Variants in NFASC observed in about 807,000 individuals in gnomAD.
NFASC encodes neurofascin homolog.
A neutral mutation model predicts 147.5 loss-of-function variants in NFASC; 43 were observed. The ratio of observed to expected loss-of-function variants is 0.29; its 90% CI spans 0.23 to 0.38. The LOEUF is 0.38. Among genes scored for constraint, NFASC ranks in the 10% least tolerant of loss-of-function variants. The pLI, the probability that NFASC is intolerant of heterozygous loss-of-function variation, is 1.00. For missense variants in NFASC, 1,320 were observed against 1,689.0 expected, an observed-to-expected ratio of 0.78 and a Z score of 3.83; for synonymous variants, 622 against 665.5, an observed-to-expected ratio of 0.93 and a Z score of 1.01.
chr1:205,002,877 G>A (rs912412411), intron 27 of NFASC, 129 bp downstream of exon 27: 4 of 674,314 alleles, frequency 5.9e-6, no homozygotes, highest in South Asian at 4.3e-5. Context: ...CTTGCATGGC[G>A]TGTCTCAGCT....
intron 1 of NFASC, among the ~76,000 whole-genome samples, chr1:204,902,928 G>A (rs1206082384): frequency 2.0e-5 from 3 of 152,164 alleles, no homozygotes; most frequent in Admixed American, 1.3e-4. Context: ...ATGTATTTCC[G>A]CAGCCATGTC....
At chr1:204,956,157 C>T (rs1573699753) in intron 7 of NFASC, among the ~76,000 whole-genome samples, 1 of 152,322 alleles carries the variant, frequency 6.6e-6, no homozygotes, top group East Asian at 1.9e-4. Context: ...TCCCCAGCCC[C>T]GGCCACCATC....
intron 1 of NFASC, among the ~76,000 whole-genome samples, chr1:204,897,011 C>G (rs1004192194): frequency 6.6e-6 from 1 of 152,174 alleles, no homozygotes; most frequent in Non-Finnish European, 1.5e-5. Context: ...CTAGCAGCAT[C>G]AGACTACCTG....
chr1:204,987,613 G>A lies in NFASC; in HGVS notation c.2593+73G>A, dbSNP rs1400994144. 6.3e-7 allele frequency: 1 copy of A among 1,577,156 alleles called. No individual in the cohort carries two copies. The highest frequency in any genetic ancestry group is 1.3e-5 in the African/African-American group (1 of 74,176). On this transcript the variant is annotated intron_variant, in intron 22 of 29. Coordinates refer to ENST00000339876, the MANE Select transcript of NFASC (RefSeq NM_001005388.3). This position sits in a 1 kb window ranked among gnomAD's most constrained non-coding sequence, Gnocchi z 4.4. ...CCCCATTCTCACCACTTTTCCTAAG[G>A]ACTCAAGGTAGAAAGCCTGTGGGTG...
At chr1:204,870,660 G>A (rs1039957064) in intron 1 of NFASC, 12 of 1,063,450 alleles carry the variant, frequency 1.1e-5, no homozygotes, top group Non-Finnish European at 1.4e-5. Context: ...GCATGAGGGA[G>A]ACCCAGCGGT....
chr1:205,011,241 G>C (rs1471264343), intron 28 of NFASC, among the ~76,000 whole-genome samples: 1 of 140,194 alleles, frequency 7.1e-6, no homozygotes, highest in Non-Finnish European at 1.5e-5. Context: ...GGAAATAGAA[G>C]GGAGAGGAGA....
chr1:204,977,533 T>G, intron 16 of NFASC, 148 bp from the exon 17 acceptor site: 1 of 595,556 alleles, frequency 1.7e-6, no homozygotes, highest in Non-Finnish European at 2.9e-6. Context: ...GGGTAGGGGA[T>G]TCCCCATGGA....
At chr1:204,859,543 T>G (rs1250531273) in intron 1 of NFASC, among the ~76,000 whole-genome samples, 1 of 152,248 alleles carries the variant, frequency 6.6e-6, no homozygotes, top group African/African-American at 2.4e-5. Flanking sequence ...TTATCTGTGC[T>G]ATATTGTGGA....
At chr1:204,972,697 A>G (rs532771362) in intron 11 of NFASC, among the ~76,000 whole-genome samples, 1 of 152,306 alleles carries the variant, frequency 6.6e-6, no homozygotes, top group Non-Finnish European at 1.5e-5. Context: ...GAATGTTTGG[A>G]GCATGCTCTC....
intron 1 of NFASC, among the ~76,000 whole-genome samples, chr1:204,848,121 G>A (rs1572002063): frequency 6.6e-6 from 1 of 152,194 alleles, no homozygotes; most frequent in African/African-American, 2.4e-5. Flanking sequence ...TGGAGAACTC[G>A]TCCTTTCCCT....
At chr1:204,943,821 CCTGCAGG>C (rs2093532446) in intron 2 of NFASC, among the ~76,000 whole-genome samples, 1 of 152,178 alleles carries the variant, frequency 6.6e-6, no homozygotes, top group South Asian at 2.1e-4. Flanking sequence ...GGTTGCTGGG[CCTGCAGG>C]CCAATAGGCC....
rs1056396676 is a variant in NFASC, at chr1:204,981,932, C to T, written c.2382C>T (p.Tyr794=). 9 of 1,608,730 alleles carry T rather than the reference C, an allele frequency of 5.6e-6. No individual in the cohort carries two copies. In the East Asian group the frequency reaches 6.7e-5, roughly 12 times the overall value. ...ACGTGGTGGGGCAGACCCCAGTCTA[C>T]GTGCCCTATGAGATCCGAGTCCAGG... ...SRYVVGQTPV[Y]VPYEIRVQAE... is the part of the protein sequence containing the mutation. The change falls in exon 21 of 30, where the codon TAC becomes TAT. Residue 794 remains tyrosine, a synonymous_variant. Coordinates refer to ENST00000339876, the MANE Select transcript of NFASC (RefSeq NM_001005388.3).
At position 204,974,170 on chromosome 1, in the gene NFASC, G is replaced by C. The variant is rs1159335809; in HGVS notation, c.1280-9G>C. On this transcript the variant is annotated splice_polypyrimidine_tract_variant and intron_variant, in intron 12 of 29. Transcript: ENST00000339876. ...TTGGCACTCGAGATTGCTTCTCTGG[G>C]AATTTCAGATGTGCCGCCTCGGATG... 6.2e-7 allele frequency: 1 copy of C among 1,611,360 alleles called. No individual in the cohort carries two copies. Among genetic ancestry groups the C allele is most frequent in the East Asian group, 2.2e-5 (1 of 44,770 alleles).
chr1:204,973,797 G>A (rs891983998), intron 12 of NFASC, among the ~76,000 whole-genome samples: 2 of 152,154 alleles, frequency 1.3e-5, no homozygotes, highest in Non-Finnish European at 2.9e-5. Flanking sequence ...CTTCCCCTGG[G>A]TTCGCAGCTG....
At chr1:205,009,941 C>T in intron 28 of NFASC, 2 of 537,348 alleles carry the variant, frequency 3.7e-6, no homozygotes, top group Non-Finnish European at 6.7e-6. Context: ...ACCCTGGCTC[C>T]TATTAAGAAT....
At position 204,975,401 on chromosome 1, in the gene NFASC, G is replaced by A. The variant is rs773465615; in HGVS notation, c.1689G>A (p.Pro563=). Residue 563 remains proline, a synonymous_variant, in exon 15 of 30, where the codon CCG becomes CCA. Coordinates refer to ENST00000339876, the MANE Select transcript of NFASC (RefSeq NM_001005388.3). This position sits in a 1 kb window ranked among gnomAD's most constrained non-coding sequence, Gnocchi z 4.0. ...LTVSWLKDDE[P]LYIGNRMKKE... is the part of the protein sequence containing the mutation. Reference sequence around the variant, plus strand: ...TCTCCTGGCTGAAGGATGACGAGCCGCTCTATATTGGAAACAGGTTTCTCT... The same window carrying A: ...TCTCCTGGCTGAAGGATGACGAGCCACTCTATATTGGAAACAGGTTTCTCT... 2.5e-5 allele frequency: 40 copies of A among 1,613,870 alleles called. No homozygotes were observed. In the Admixed American group the frequency reaches 2.8e-4, roughly 11 times the overall value.
intron 2 of NFASC, among the ~76,000 whole-genome samples, chr1:204,934,453 A>C (rs1053702484): frequency 6.6e-6 from 1 of 152,250 alleles, no homozygotes; most frequent in African/African-American, 2.4e-5. Flanking sequence ...GTTAATGTAA[A>C]TGTATATGTA....
At chr1:204,894,028 C>CT (rs2082928272) in intron 1 of NFASC, among the ~76,000 whole-genome samples, 1 of 152,152 alleles carries the variant, frequency 6.6e-6, no homozygotes, top group South Asian at 2.1e-4. Flanking sequence ...AGGACCCAGG[C>CT]TTTTTTTGCC....
At chr1:204,966,545 G>T (rs1227785128) in intron 8 of NFASC, among the ~76,000 whole-genome samples, 1 of 152,180 alleles carries the variant, frequency 6.6e-6, no homozygotes, top group Non-Finnish European at 1.5e-5. Context: ...GGAAGCTGTT[G>T]GTGTCAGGCT....
Sources: allele counts gnomAD v4.1 joint callset (sites outside exome capture counted in the v4.1 genomes callset), GRCh38; gene constraint gnomAD v4.1.1; non-coding constraint Gnocchi (gnomAD v3.1); transcripts MANE v1.5; gene names NCBI Gene and HGNC (gene_info 2026-07-23, HGNC 2026-07-21).